Variants in COL15A1 observed in about 807,000 individuals in gnomAD.
The protein encoded by COL15A1 is collagen type XV alpha 1 chain.
COL15A1 carries 111 observed loss-of-function variants against 165.9 expected under a neutral mutation model. That is an observed-to-expected ratio of 0.67 (90% confidence interval 0.57 to 0.78). COL15A1 has a LOEUF of 0.78. COL15A1 is among the 30% of genes least tolerant of loss of function. The probability of loss-of-function intolerance (pLI) is 0.00; values close to 1 mark genes in which losing one functional copy is unlikely to be tolerated. For missense variants in COL15A1, 1,745 were observed against 1,789.7 expected, an observed-to-expected ratio of 0.98 and a Z score of 0.45; for synonymous variants, 659 against 674.8, an observed-to-expected ratio of 0.98 and a Z score of 0.36.
chr9:98,944,255 G>C lies in COL15A1; in HGVS notation c.100+5G>C. Reference sequence around the variant, plus strand: ...CCCAGACCCGCGGTGCGACAGGTAAGCAACCCGGTCGGAGGGTGGCACCGG... The same window carrying C: ...CCCAGACCCGCGGTGCGACAGGTAACCAACCCGGTCGGAGGGTGGCACCGG... On this transcript the variant is annotated splice_donor_5th_base_variant and intron_variant, in intron 2 of 41. Transcript: ENST00000375001. The C allele has an allele frequency of 6.2e-7, 1 of 1,613,376 alleles. No individual in the cohort carries two copies. Among genetic ancestry groups the C allele is most frequent in the Non-Finnish European group, 8.5e-7 (1 of 1,179,768 alleles).
At chr9:98,975,724 C>T (rs985256545) in intron 2 of COL15A1, among the ~76,000 whole-genome samples, 2 of 152,210 alleles carry the variant, frequency 1.3e-5, no homozygotes, top group Non-Finnish European at 2.9e-5. Context: ...ACTTAGGAGT[C>T]TGAACTAGAT....
At chr9:98,960,348 C>T (rs1226147836) in intron 2 of COL15A1, among the ~76,000 whole-genome samples, 4 of 151,830 alleles carry the variant, frequency 2.6e-5, no homozygotes, top group Non-Finnish European at 4.4e-5. Context: ...TGCAGTGAGC[C>T]GAGGTCACAC....
chr9:99,028,833 G>T (rs375383352), intron 16 of COL15A1, among the ~76,000 whole-genome samples: 1 of 152,044 alleles, frequency 6.6e-6, no homozygotes, highest in Non-Finnish European at 1.5e-5. Context: ...CCCAAAAAAC[G>T]TATTGAAATT....
intron 4 of COL15A1, among the ~76,000 whole-genome samples, chr9:98,987,755 G>A (rs1838340331): frequency 6.6e-6 from 1 of 152,326 alleles, no homozygotes; most frequent in East Asian, 1.9e-4. Context: ...TTCCTAAGCT[G>A]GGGATGGAGT....
chr9:99,035,730 C>G (rs1404041742), intron 19 of COL15A1, among the ~76,000 whole-genome samples: 1 of 152,112 alleles, frequency 6.6e-6, no homozygotes, highest in East Asian at 1.9e-4. Flanking sequence ...TTATTTCCTC[C>G]CTCCAGTTGC....
chr9:99,064,822 G>A (rs969064076), intron 39 of COL15A1, among the ~76,000 whole-genome samples: 6 of 152,198 alleles, frequency 3.9e-5, no homozygotes, highest in African/African-American at 1.2e-4. Flanking sequence ...GAAGAGAAAT[G>A]TGAGTGTCAG....
At chr9:99,060,317 A>G (rs1423011976) in intron 36 of COL15A1, among the ~76,000 whole-genome samples, 2 of 149,964 alleles carry the variant, frequency 1.3e-5, no homozygotes, top group African/African-American at 4.9e-5. Flanking sequence ...ACTGGAGTAC[A>G]GTGGTGAGAT....
At chr9:99,013,974 G>GT (rs150143403) in intron 9 of COL15A1, among the ~76,000 whole-genome samples, 16,250 of 150,378 alleles carry the variant, frequency 0.11, 1,033 homozygotes, top group East Asian at 0.26. Context: ...TGCATGTTGT[G>GT]TTTTTTTTTC....
At chr9:99,002,027 A>G (rs141973628) in intron 7 of COL15A1, among the ~76,000 whole-genome samples, 90 of 152,124 alleles carry the variant, frequency 5.9e-4, no homozygotes, top group African/African-American at 2.0e-3. Flanking sequence ...TATCTTGTCT[A>G]TCTCCAGCAA....
chr9:99,022,770 C>G (rs1385319922), intron 13 of COL15A1, among the ~76,000 whole-genome samples: 1 of 152,208 alleles, frequency 6.6e-6, no homozygotes, highest in Admixed American at 6.5e-5. Flanking sequence ...TGGTTCCTGT[C>G]TTCAGGAGTT....
chr9:98,989,139 C>T (rs1295246162), intron 4 of COL15A1, 39 bp from the exon 5 acceptor site: 46 of 1,547,764 alleles, frequency 3.0e-5, no homozygotes, highest in Non-Finnish European at 3.8e-5. Flanking sequence ...GGGCCCTGCC[C>T]GCTCTGCCCG....
At chr9:99,054,030 G>A (rs1825668895) in intron 31 of COL15A1, among the ~76,000 whole-genome samples, 3 of 152,208 alleles carry the variant, frequency 2.0e-5, no homozygotes, top group Non-Finnish European at 4.4e-5. Flanking sequence ...TGCCAGTTCT[G>A]CAGAAACAGT....
At chr9:99,046,672 G>A (rs914690452) in intron 26 of COL15A1, among the ~76,000 whole-genome samples, 3 of 152,198 alleles carry the variant, frequency 2.0e-5, no homozygotes, top group East Asian at 1.9e-4. Context: ...CTCATTCACT[G>A]TTATGAGAAC....
intron 2 of COL15A1, among the ~76,000 whole-genome samples, chr9:98,952,601 G>T (rs556279937): frequency 6.6e-6 from 1 of 152,104 alleles, no homozygotes; most frequent in East Asian, 1.9e-4. Context: ...TGCCCAGGCT[G>T]GTCTTGAACT....
At chr9:98,971,979 C>T (rs1838064542) in intron 2 of COL15A1, among the ~76,000 whole-genome samples, 1 of 152,210 alleles carries the variant, frequency 6.6e-6, no homozygotes, top group African/African-American at 2.4e-5. Context: ...AGGTGCTGTA[C>T]TGACAGCTTG....
At chr9:99,021,848 C>A (rs1454386457) in intron 12 of COL15A1, among the ~76,000 whole-genome samples, 1 of 152,212 alleles carries the variant, frequency 6.6e-6, no homozygotes, top group Non-Finnish European at 1.5e-5. Context: ...GTGTGTGATG[C>A]GTGCTCATAC....
chr9:99,043,913 C>T (rs956355834), intron 24 of COL15A1, among the ~76,000 whole-genome samples: 5 of 152,178 alleles, frequency 3.3e-5, no homozygotes, highest in African/African-American at 9.7e-5. Context: ...TTCTTGCCAC[C>T]AGTCTACCCA....
At chr9:99,012,001 G>A (rs923198403) in intron 9 of COL15A1, among the ~76,000 whole-genome samples, 2 of 152,148 alleles carry the variant, frequency 1.3e-5, no homozygotes, top group African/African-American at 2.4e-5. Context: ...ACAAGCAAAG[G>A]TTATCCTGTT....
In COL15A1 at chr9:99,025,979, C is replaced by T. The variant is rs189387276; in HGVS notation, c.2043+13C>T. 80 of 1,603,918 alleles carry T rather than the reference C, an allele frequency of 5.0e-5. No individual in the cohort carries two copies. In the South Asian group the frequency reaches 5.4e-4, roughly 11 times the overall value. On this transcript the variant is annotated intron_variant, in intron 16 of 41. Transcript: ENST00000375001. The stretch of plus-strand genomic sequence containing the variant: ...GAAAGGGGAGAAGGTACGGGGAACA[C>T]GGGAGGGTCCCACCACATGGGAGCC...
Sources: gnomAD v4.1 joint callset for allele counts (sites outside exome capture counted in the v4.1 genomes callset) on GRCh38, gnomAD v4.1.1 for gene constraint, MANE v1.5 for transcripts, NCBI Gene and HGNC (gene_info 2026-07-23, HGNC 2026-07-21) for gene names.